The following SLC12A8 variants were observed in gnomAD, a reference collection of about 807,000 sequenced individuals.
SLC12A8 encodes solute carrier family 12 member 8.
SLC12A8 carries 69 observed loss-of-function variants against 75.6 expected under a neutral mutation model. The observed-to-expected ratio is 0.91, with a 90% CI of 0.75 to 1.11. SLC12A8 has a LOEUF of 1.11. Among genes scored for constraint, SLC12A8 ranks in the 50% most tolerant of loss-of-function variants. The pLI is 0.00. For missense variants in SLC12A8, 877 were observed against 896.7 expected (o/e 0.98, Z 0.28); for synonymous variants, 365 against 372.8 (o/e 0.98, Z 0.24).
chr3:125,087,371 G>A (rs1187847227), intron 13 of SLC12A8, among the ~76,000 whole-genome samples: 1 of 152,074 alleles, frequency 6.6e-6, no homozygotes, highest in Non-Finnish European at 1.5e-5. Flanking sequence ...GAGATTACAG[G>A]CGTAAGCCAC....
chr3:125,127,347 G>C (rs1441159103), intron 6 of SLC12A8, among the ~76,000 whole-genome samples: 5 of 152,156 alleles, frequency 3.3e-5, no homozygotes, highest in Non-Finnish European at 7.3e-5. Flanking sequence ...CCAACTCCAG[G>C]ACCCAGGCAA....
intron 8 of SLC12A8, among the ~76,000 whole-genome samples, chr3:125,117,033 G>C (rs560122084): frequency 2.0e-5 from 3 of 152,278 alleles, no homozygotes; most frequent in African/African-American, 7.2e-5. Flanking sequence ...TGGAAAGTGG[G>C]TATCAGTTCT....
chr3:125,211,274 A>G, intron 2 of SLC12A8, 25 bp downstream of exon 2: 1 of 1,609,410 alleles, frequency 6.2e-7, no homozygotes, highest in Non-Finnish European at 8.5e-7. Context: ...CCTCCATCAC[A>G]GACCCTGGCA....
Position 125,110,287 on chromosome 3 carries a change from G to A in SLC12A8, c.961C>T (p.Leu321=). 6.2e-7 allele frequency: 1 copy of A among 1,614,032 alleles called. No individual in the cohort carries two copies. The highest frequency in any genetic ancestry group is 1.1e-5 in the South Asian group (1 of 91,068). Residue 321 remains leucine, a synonymous_variant, in exon 9 of 14, where the codon CTG becomes TTG. Coordinates refer to ENST00000469902, the MANE Select transcript of SLC12A8 (RefSeq NM_024628.6). Reference sequence around the variant, plus strand: ...TAAAGTCCTCCCATGCAGGAAGCCAGGGACGAGATGTATAAGCCCAAAAGG... The same window carrying A: ...TAAAGTCCTCCCATGCAGGAAGCCAAGGACGAGATGTATAAGCCCAAAAGG... ...LFLLGLYISS[L]ASCMGGLYGA...
chr3:125,151,523 C>T (rs989285716), intron 5 of SLC12A8: 4 of 154,278 alleles, frequency 2.6e-5, no homozygotes, highest in Middle Eastern at 5.4e-4. Context: ...GTTGTCCAGT[C>T]CCCACTGGCT....
chr3:125,149,837 G>C (rs1466965799), intron 5 of SLC12A8, among the ~76,000 whole-genome samples: 1 of 152,208 alleles, frequency 6.6e-6, no homozygotes, highest in African/African-American at 2.4e-5. Context: ...ACAAAGAAAA[G>C]AGGAGGGAGA....
chr3:125,105,411 A>T (rs1030132243), intron 10 of SLC12A8, among the ~76,000 whole-genome samples: 2 of 152,226 alleles, frequency 1.3e-5, no homozygotes, highest in South Asian at 4.1e-4. Flanking sequence ...CATAGGACAG[A>T]GGGGAAAAAA....
chr3:125,171,163 T>C (rs952075148), intron 5 of SLC12A8, among the ~76,000 whole-genome samples: 1 of 152,252 alleles, frequency 6.6e-6, no homozygotes, highest in African/African-American at 2.4e-5. Flanking sequence ...TTAACTATTG[T>C]GGTTTTTAAA....
chr3:125,118,918 T>G, intron 7 of SLC12A8, 62 bp from the exon 8 acceptor site: 1 of 1,108,904 alleles, frequency 9.0e-7, no homozygotes, highest in Non-Finnish European at 1.4e-6. Flanking sequence ...CCCATCCAAT[T>G]CCCTCACTCA....
chr3:125,186,386 T>C (rs188956614), intron 4 of SLC12A8, among the ~76,000 whole-genome samples: 3 of 152,308 alleles, frequency 2.0e-5, no homozygotes, highest in Admixed American at 2.0e-4. Context: ...GAATCAGATA[T>C]ATTTATGCTG....
chr3:125,140,750 C>T (rs1456336202), intron 5 of SLC12A8, among the ~76,000 whole-genome samples: 2 of 151,396 alleles, frequency 1.3e-5, no homozygotes, highest in Non-Finnish European at 1.5e-5. Context: ...GGCAGGGTCT[C>T]GCTCTATCAC....
chr3:125,175,835 G>C (rs1022608390), intron 5 of SLC12A8, among the ~76,000 whole-genome samples: 2 of 152,114 alleles, frequency 1.3e-5, no homozygotes, highest in Non-Finnish European at 2.9e-5. Context: ...GGCTCCAGGT[G>C]ATCAGTATGG....
chr3:125,181,331 G>A (rs1934653019), intron 4 of SLC12A8, among the ~76,000 whole-genome samples: 1 of 151,954 alleles, frequency 6.6e-6, no homozygotes, highest in South Asian at 2.1e-4. Flanking sequence ...GCCAGGCGCG[G>A]TGGCTCACGC....
At chr3:125,101,533 T>C (rs2107737959) in intron 10 of SLC12A8, among the ~76,000 whole-genome samples, 1 of 152,364 alleles carries the variant, frequency 6.6e-6, no homozygotes, top group East Asian at 1.9e-4. Context: ...CAGTTGTGTT[T>C]TGTCAGAATA....
chr3:125,138,693 T>TA (rs1466373655), intron 5 of SLC12A8, among the ~76,000 whole-genome samples: 1 of 152,166 alleles, frequency 6.6e-6, no homozygotes, highest in African/African-American at 2.4e-5. Flanking sequence ...TTTCTTTTTT[T>TA]ATTTCTACAA....
At chr3:125,139,771 T>A (rs961844283) in intron 5 of SLC12A8, among the ~76,000 whole-genome samples, 2 of 152,244 alleles carry the variant, frequency 1.3e-5, no homozygotes, top group African/African-American at 4.8e-5. Flanking sequence ...CCGCCTGCCA[T>A]GCCCTCCGAC....
chr3:125,088,523 C>T (rs1296776722), intron 12 of SLC12A8, among the ~76,000 whole-genome samples, 153 bp from the exon 13 acceptor site: 1 of 152,196 alleles, frequency 6.6e-6, no homozygotes, highest in Non-Finnish European at 1.5e-5. Flanking sequence ...AAATAATTTT[C>T]ATTGTAATCT....
intron 10 of SLC12A8, among the ~76,000 whole-genome samples, chr3:125,095,736 A>G (rs1298695753): frequency 6.6e-6 from 1 of 152,202 alleles, no homozygotes; most frequent in East Asian, 1.9e-4. Context: ...GGGCATAGTG[A>G]AGTCATACAA....
chr3:125,191,273 A>C (rs1934903991), intron 2 of SLC12A8, among the ~76,000 whole-genome samples: 1 of 152,238 alleles, frequency 6.6e-6, no homozygotes, highest in East Asian at 1.9e-4. Context: ...CCAATTCACA[A>C]ATAACAAAGG....
Sources: allele counts gnomAD v4.1 joint callset (sites outside exome capture counted in the v4.1 genomes callset), GRCh38; gene constraint gnomAD v4.1.1; transcripts MANE v1.5; gene names NCBI Gene and HGNC (gene_info 2026-07-23, HGNC 2026-07-21).